Variants in FER observed in about 807,000 individuals in gnomAD.
FER encodes the protein FER tyrosine kinase.
In FER, 63 loss-of-function variants were observed where a neutral mutation model predicts 111.0. That is an observed-to-expected ratio of 0.57 (90% CI 0.46 to 0.70). The LOEUF (loss-of-function observed/expected upper bound fraction) is 0.70, where lower values mean the gene tolerates loss of function less well. Among genes scored for constraint, FER ranks in the 30% least tolerant of loss-of-function variants. FER has a pLI of 0.00. For missense variants in FER, 914 were observed against 954.0 expected (o/e 0.96, Z 0.55); for synonymous variants, 327 against 313.9 (o/e 1.04, Z -0.44).
At chr5:108,867,644 A>AT in intron 5 of FER, 123 bp from the exon 6 acceptor site, 1 of 941,072 alleles carries the variant, frequency 1.1e-6, no homozygotes, top group Non-Finnish European at 1.6e-6. Context: ...GTTCAATAAA[A>AT]TTTTTTTGTT....
At chr5:108,790,235 C>CACACACACA (rs113538613) in intron 2 of FER, among the ~76,000 whole-genome samples, 1 of 145,094 alleles carries the variant, frequency 6.9e-6, no homozygotes, top group Non-Finnish European at 1.5e-5. Context: ...TGCATACACA[C>CACACACACA]CACACACACA....
Position 108,945,276 on chromosome 5 carries a change from A to C in FER, c.1237-854A>C, listed in dbSNP as rs113495110. On this transcript the variant is annotated intron_variant, in intron 10 of 19. Transcript: ENST00000281092. ...CAGTTGAAATGTAGTCGTCATTGGA[A>C]AATTGACCAATACTTCCATTACAAA... Among the ~76,000 whole-genome samples the C allele has an allele frequency of 4.3e-4, 66 of 152,172 alleles. 1 individual carries two copies. Among genetic ancestry groups the C allele is most frequent in the African/African-American group, 1.5e-3 (61 of 41,534 alleles).
chr5:108,973,546 A>G (rs1317127727), intron 13 of FER, among the ~76,000 whole-genome samples: 2 of 152,158 alleles, frequency 1.3e-5, no homozygotes, highest in Non-Finnish European at 2.9e-5. Flanking sequence ...TACACCAAAA[A>G]TGGATTTTGT....
At chr5:108,977,593 C>G (rs1761528283) in intron 13 of FER, among the ~76,000 whole-genome samples, 2 of 152,198 alleles carry the variant, frequency 1.3e-5, no homozygotes, top group Admixed American at 1.3e-4. Flanking sequence ...TGATTTACTT[C>G]TATGTTCCCC....
intron 13 of FER, among the ~76,000 whole-genome samples, chr5:109,000,748 G>T (rs1278983300): frequency 6.6e-6 from 1 of 152,060 alleles, no homozygotes; most frequent in Non-Finnish European, 1.5e-5. Context: ...AAAATTGATA[G>T]ACCGCTAGCA....
chr5:109,023,110 A>G (rs1177156363), intron 13 of FER, among the ~76,000 whole-genome samples: 2 of 152,122 alleles, frequency 1.3e-5, no homozygotes, highest in African/African-American at 4.8e-5. Context: ...GTGGAAGGAA[A>G]TGATGTTTGC....
intron 10 of FER, among the ~76,000 whole-genome samples, chr5:108,943,722 G>A (rs1400737240): frequency 6.6e-6 from 1 of 151,722 alleles, no homozygotes; most frequent in Non-Finnish European, 1.5e-5. Flanking sequence ...GAGTTTTTCT[G>A]TTTGTTTGTT....
intron 10 of FER, among the ~76,000 whole-genome samples, chr5:108,942,308 G>A (rs1756385948): frequency 1.3e-5 from 2 of 152,070 alleles, no homozygotes; most frequent in African/African-American, 4.8e-5. Flanking sequence ...ACTCTATTCT[G>A]TTTTACTCTA....
intron 10 of FER, among the ~76,000 whole-genome samples, chr5:108,919,220 T>C (rs1390842819): frequency 6.6e-6 from 1 of 152,038 alleles, no homozygotes; most frequent in Non-Finnish European, 1.5e-5. Context: ...GCTTGTTTTT[T>C]TTTTTTAAAT....
chr5:108,836,798 CT>C (rs1760711731), intron 5 of FER, among the ~76,000 whole-genome samples: 1 of 151,786 alleles, frequency 6.6e-6, no homozygotes, highest in Non-Finnish European at 1.5e-5. Context: ...TTTCTCTCTC[CT>C]TTTCCCCTCT....
intron 11 of FER, 82 bp from the exon 12 acceptor site, chr5:108,954,647 C>T: frequency 9.6e-6 from 10 of 1,037,434 alleles, no homozygotes; most frequent in East Asian, 5.4e-5. Context: ...TTGTAAGAAG[C>T]CTTTATAGTT....
At chr5:109,107,743 G>A (rs1346232324) in intron 17 of FER, among the ~76,000 whole-genome samples, 2 of 152,084 alleles carry the variant, frequency 1.3e-5, no homozygotes, top group Non-Finnish European at 2.9e-5. Flanking sequence ...GTCTTTCCCT[G>A]TGTGTTCATT....
chr5:108,989,794 G>C (rs1052940614), intron 13 of FER, among the ~76,000 whole-genome samples: 19 of 151,918 alleles, frequency 1.3e-4, no homozygotes, highest in African/African-American at 4.6e-4. Context: ...TATAAAAATC[G>C]TATGTGGTGT....
At chr5:109,137,876 T>C (rs1188332590) in intron 17 of FER, among the ~76,000 whole-genome samples, 1 of 152,218 alleles carries the variant, frequency 6.6e-6, no homozygotes, top group Non-Finnish European at 1.5e-5. Flanking sequence ...CTTTTTCTTA[T>C]GGACTTACCC....
chr5:108,975,470 G>T (rs1316928742), intron 13 of FER, among the ~76,000 whole-genome samples: 1 of 152,116 alleles, frequency 6.6e-6, no homozygotes, highest in Admixed American at 6.5e-5. Context: ...ATTAGTTACA[G>T]TAGCAGTAGA....
chr5:108,842,460 C>G (rs931949746), intron 5 of FER: 1 of 151,938 alleles, frequency 6.6e-6, no homozygotes, highest in Non-Finnish European at 1.5e-5. Context: ...GCAGAGTAAA[C>G]AGAGTGGGAG....
At chr5:109,185,946 C>A (rs1040299733) in intron 18 of FER, among the ~76,000 whole-genome samples, 6 of 152,138 alleles carry the variant, frequency 3.9e-5, no homozygotes, top group African/African-American at 1.4e-4. Flanking sequence ...GTCATTTTAA[C>A]ACAATGGTAA....
At chr5:108,943,261 C>CA (rs1489706502) in intron 10 of FER, among the ~76,000 whole-genome samples, 1 of 152,068 alleles carries the variant, frequency 6.6e-6, no homozygotes, top group Non-Finnish European at 1.5e-5. Flanking sequence ...GGGAGTTGGA[C>CA]AAAAGTCACA....
chr5:109,186,382 A>G, intron 19 of FER, 60 bp downstream of exon 19: 1 of 1,612,708 alleles, frequency 6.2e-7, no homozygotes, highest in Middle Eastern at 1.7e-4. Context: ...GGCAGTGCTT[A>G]TAGTGTGTCT....
Sources: allele counts gnomAD v4.1 joint callset (sites outside exome capture counted in the v4.1 genomes callset), GRCh38; gene constraint gnomAD v4.1.1; transcripts MANE v1.5; gene names NCBI Gene and HGNC (gene_info 2026-07-23, HGNC 2026-07-21).